The following LDLRAD4 variants were observed in gnomAD, a reference collection of about 807,000 sequenced individuals.
The protein encoded by LDLRAD4 is low-density lipoprotein receptor class A domain-containing protein 4.
LDLRAD4 carries 5 observed loss-of-function variants against 17.0 expected under a neutral mutation model. The observed-to-expected ratio is 0.29, with a 90% confidence interval of 0.15 to 0.62. The LOEUF (loss-of-function observed/expected upper bound fraction) is 0.62. Ranked by LOEUF, LDLRAD4 falls within the 20% of genes least tolerant of loss-of-function variation. The pLI is 0.84. For missense variants in LDLRAD4, 340 were observed against 424.7 expected (o/e 0.80, Z 1.75); for synonymous variants, 168 against 171.8 (o/e 0.98, Z 0.17).
chr18:13,253,474 A>G (rs1188330436), intron 1 of LDLRAD4, among the ~76,000 whole-genome samples: 1 of 152,148 alleles, frequency 6.6e-6, no homozygotes, highest in Non-Finnish European at 1.5e-5. Context: ...CTGCAGGGTA[A>G]ATGAGCAGTG....
intron 2 of LDLRAD4, among the ~76,000 whole-genome samples, chr18:13,399,445 A>G (rs2145478308): frequency 6.6e-6 from 1 of 152,342 alleles, no homozygotes; most frequent in African/African-American, 2.4e-5. Context: ...CCATTTATGC[A>G]GATAAAGCAC....
At chr18:13,431,393 C>T (rs2090324970) in intron 2 of LDLRAD4, among the ~76,000 whole-genome samples, 1 of 152,202 alleles carries the variant, frequency 6.6e-6, no homozygotes, top group African/African-American at 2.4e-5. Context: ...TTCATTCATT[C>T]ATTGGTTATA....
rs1491536129 is a variant in LDLRAD4, at chr18:13,610,305, T to TTTTTTCC, written c.182-10812_182-10811insTTTTTCC. Among the ~76,000 whole-genome samples, 4 of 24,328 alleles carry TTTTTTCC rather than the reference T, an allele frequency of 1.6e-4. 1 individual carries two copies. The highest frequency in any genetic ancestry group is 3.5e-4 in the Non-Finnish European group (4 of 11,546). The allele number at this position is 24,328 out of a possible 152,430, so 16.0% of individuals were successfully genotyped here. Reference sequence around the variant, plus strand: ...TTTTTTTTTTTTTTTTTTTTTTTTTTGAGACGGAGTCTCACTCTGTCGCCC... The same window carrying TTTTTTCC: ...TTTTTTTTTTTTTTTTTTTTTTTTTTTTTTTCCGAGACGGAGTCTCACTCTGTCGCCC... On this transcript the variant is annotated intron_variant, in intron 3 of 5. Coordinates refer to ENST00000359446, the Ensembl canonical transcript of LDLRAD4.
intron 1 of LDLRAD4, among the ~76,000 whole-genome samples, chr18:13,348,574 GGA>G (rs2082843389): frequency 6.6e-6 from 1 of 152,124 alleles, no homozygotes; most frequent in Non-Finnish European, 1.5e-5. Flanking sequence ...CGGCGTGCTG[GGA>G]GAACCACTAC....
chr18:13,423,550 T>C (rs1234459114), intron 2 of LDLRAD4: 2 of 152,082 alleles, frequency 1.3e-5, no homozygotes, highest in Non-Finnish European at 2.9e-5. Context: ...CTGTGCTGTG[T>C]CTTGAGCATC....
At chr18:13,281,079 G>A (rs542409350) in intron 1 of LDLRAD4, among the ~76,000 whole-genome samples, 9 of 152,110 alleles carry the variant, frequency 5.9e-5, no homozygotes, top group African/African-American at 1.2e-4. Flanking sequence ...CTTCGGCACC[G>A]TGCAATAAAA....
At chr18:13,395,447 A>T in intron 2 of LDLRAD4, among the ~76,000 whole-genome samples, 1 of 25,922 alleles carries the variant, frequency 3.9e-5, no homozygotes, top group African/African-American at 1.7e-4. Context: ...GCAGGTGTGG[A>T]GGTGGGGGCT....
intron 1 of LDLRAD4, among the ~76,000 whole-genome samples, chr18:13,332,362 A>G (rs1001100618): frequency 1.3e-5 from 2 of 152,158 alleles, no homozygotes; most frequent in African/African-American, 4.8e-5. Flanking sequence ...TCAACATCCC[A>G]CACCACAGTG....
At chr18:13,522,571 C>T (rs911549215) in intron 3 of LDLRAD4, 2 of 151,992 alleles carry the variant, frequency 1.3e-5, no homozygotes, top group Non-Finnish European at 2.9e-5. Context: ...GGCTTCATGT[C>T]CTGGAACATG....
chr18:13,390,920 A>G (rs942907450), intron 2 of LDLRAD4, among the ~76,000 whole-genome samples: 3 of 152,094 alleles, frequency 2.0e-5, no homozygotes, highest in Admixed American at 1.3e-4. Context: ...CTCCCTTCCC[A>G]TCTGTCTGCC....
intron 2 of LDLRAD4, among the ~76,000 whole-genome samples, chr18:13,410,681 A>G (rs1600064220): frequency 6.6e-6 from 1 of 152,194 alleles, no homozygotes; most frequent in African/African-American, 2.4e-5. Context: ...CCTTCCTCAG[A>G]TTTGCCTTGT....
At chr18:13,500,297 A>C (rs2093590910) in intron 3 of LDLRAD4, among the ~76,000 whole-genome samples, 2 of 152,188 alleles carry the variant, frequency 1.3e-5, no homozygotes, top group South Asian at 4.1e-4. Context: ...GTCGTCTCTC[A>C]AAGTCCCTCC....
intron 1 of LDLRAD4, among the ~76,000 whole-genome samples, chr18:13,318,678 T>C (rs767849633): frequency 2.6e-5 from 4 of 152,248 alleles, no homozygotes; most frequent in Non-Finnish European, 5.9e-5. Context: ...AATGTGCCGC[T>C]AGGCATTCCG....
At chr18:13,605,958 G>A (rs565277868) in intron 3 of LDLRAD4, among the ~76,000 whole-genome samples, 1 of 152,244 alleles carries the variant, frequency 6.6e-6, no homozygotes, top group Non-Finnish European at 1.5e-5. Context: ...AGGTCTGGGC[G>A]GGGCTCAAGA....
At chr18:13,481,524 G>C (rs2093084082) in intron 3 of LDLRAD4, among the ~76,000 whole-genome samples, 1 of 152,154 alleles carries the variant, frequency 6.6e-6, no homozygotes, top group Admixed American at 6.5e-5. Flanking sequence ...GACTTCTGGT[G>C]GCCCTCGAGC....
intron 3 of LDLRAD4, among the ~76,000 whole-genome samples, chr18:13,529,047 G>A (rs947482414): frequency 6.6e-6 from 1 of 152,252 alleles, no homozygotes. Flanking sequence ...ATGTCAGAAT[G>A]ATGGGAAGTC....
rs373636397 is a variant in LDLRAD4 at position 13,563,447 on chromosome 18, A to G, written c.182-57670A>G. On this transcript the variant is annotated intron_variant, in intron 3 of 5. Transcript: ENST00000359446. ...CTGACTCCCCAGATCTGTTTACACA[A>G]CAGCGATTTTCCGGATAGAGTAGCA... Among the ~76,000 whole-genome samples, 298 of 152,336 alleles carry G rather than the reference A, an allele frequency of 2.0e-3. 2 individuals are homozygous for G. In the South Asian group the frequency reaches 0.022, roughly 11 times the overall value.
At chr18:13,270,474 C>T (rs1429507756) in intron 1 of LDLRAD4, among the ~76,000 whole-genome samples, 1 of 152,312 alleles carries the variant, frequency 6.6e-6, no homozygotes, top group South Asian at 2.1e-4. Context: ...CGTTCCAGGC[C>T]TATTTGCATT....
intron 1 of LDLRAD4, among the ~76,000 whole-genome samples, chr18:13,255,069 A>G (rs1265046044): frequency 6.6e-6 from 1 of 152,262 alleles, no homozygotes; most frequent in East Asian, 1.9e-4. Context: ...ATGAAATATG[A>G]ACAAATGATT....
Sources: allele counts gnomAD v4.1 joint callset (sites outside exome capture counted in the v4.1 genomes callset), GRCh38; gene constraint gnomAD v4.1.1; transcripts MANE v1.5; gene names NCBI Gene and HGNC (gene_info 2026-07-23, HGNC 2026-07-21).